The following DAB1 variants were observed in gnomAD, a reference collection of about 807,000 sequenced individuals.
DAB1 encodes disabled homolog 1.
In DAB1, 15 loss-of-function variants were observed where a neutral mutation model predicts 64.6. The observed-to-expected ratio is 0.23, with a 90% CI of 0.16 to 0.36. The LOEUF (loss-of-function observed/expected upper bound fraction) is 0.36, where lower values mean the gene tolerates loss of function less well. Ranked by LOEUF, DAB1 falls within the 10% of genes least tolerant of loss-of-function variation. The pLI, the probability that DAB1 is intolerant of heterozygous loss-of-function variation, is 1.00. For missense variants in DAB1, 596 were observed against 706.7 expected (o/e 0.84, Z 1.78); for synonymous variants, 235 against 251.9 (o/e 0.93, Z 0.64).
chr1:57,152,123 ATCT>A (rs1373445098), intron 2 of DAB1, among the ~76,000 whole-genome samples: 3 of 152,112 alleles, frequency 2.0e-5, no homozygotes, highest in African/African-American at 7.2e-5. Context: ...GTCTTTTCTA[ATCT>A]TTAAAAGGGA....
chr1:57,451,669 G>A (rs1686372596), intron 7 of DAB1, among the ~76,000 whole-genome samples: 1 of 152,172 alleles, frequency 6.6e-6, no homozygotes, highest in Non-Finnish European at 1.5e-5. Context: ...GACGCAGAGA[G>A]TTCAGTCTTA....
chr1:57,366,360 A>G (rs1367875732), intron 1 of DAB1, among the ~76,000 whole-genome samples: 1 of 152,240 alleles, frequency 6.6e-6, no homozygotes, highest in East Asian at 1.9e-4. Context: ...CAAGATGAGT[A>G]AAAGAAAGTA....
At chr1:58,091,750 A>G (rs945560717) in intron 5 of DAB1, among the ~76,000 whole-genome samples, 1 of 152,162 alleles carries the variant, frequency 6.6e-6, no homozygotes, top group African/African-American at 2.4e-5. Context: ...TAAAACCAGT[A>G]TCTCTGTCTG....
At chr1:58,016,901 C>T (rs996167561) in intron 5 of DAB1, among the ~76,000 whole-genome samples, 3 of 152,142 alleles carry the variant, frequency 2.0e-5, no homozygotes, top group African/African-American at 7.2e-5. Flanking sequence ...ATTAAAACCT[C>T]CTACTTGCCA....
chr1:57,744,758 C>A (rs563375826), intron 6 of DAB1, among the ~76,000 whole-genome samples: 2 of 152,268 alleles, frequency 1.3e-5, no homozygotes, highest in African/African-American at 2.4e-5. Context: ...AGGTGTGAGG[C>A]GTGTTCTCCA....
chr1:57,786,926 T>TA (rs1557480537), intron 6 of DAB1, among the ~76,000 whole-genome samples: 1 of 151,950 alleles, frequency 6.6e-6, no homozygotes, highest in Non-Finnish European at 1.5e-5. Flanking sequence ...ACAATAGCAT[T>TA]AAAAAAATGA....
intron 4 of DAB1, among the ~76,000 whole-genome samples, chr1:57,112,482 T>C (rs1655756150): frequency 6.6e-6 from 1 of 152,066 alleles, no homozygotes; most frequent in South Asian, 2.1e-4. Flanking sequence ...CATCTGGATT[T>C]TCAAAGAGTA....
chr1:57,963,756 G>A (rs1035748310), intron 5 of DAB1, among the ~76,000 whole-genome samples: 1 of 91,922 alleles, frequency 1.1e-5, no homozygotes, highest in Non-Finnish European at 2.2e-5. Flanking sequence ...TCAGCCCCAG[G>A]GCAGCTCTCA....
At chr1:58,433,644 T>G (rs1352158117) in intron 3 of DAB1, among the ~76,000 whole-genome samples, 1 of 144,566 alleles carries the variant, frequency 6.9e-6, no homozygotes, top group Non-Finnish European at 1.5e-5. Context: ...TGCTTGTCTG[T>G]GTCTGTGTGG....
intron 7 of DAB1, among the ~76,000 whole-genome samples, chr1:57,431,925 C>T (rs113776180): frequency 7.9e-5 from 12 of 152,238 alleles, no homozygotes; most frequent in African/African-American, 2.6e-4. Context: ...AGTTCAAGAG[C>T]AGCCTGACCA....
At chr1:57,590,446 A>G (rs2101569045) in intron 7 of DAB1, among the ~76,000 whole-genome samples, 1 of 151,990 alleles carries the variant, frequency 6.6e-6, no homozygotes, top group Non-Finnish European at 1.5e-5. Flanking sequence ...CAGCCTCTCA[A>G]GTAGCTGGGA....
intron 3 of DAB1, among the ~76,000 whole-genome samples, chr1:58,413,678 A>G (rs1354773327): frequency 4.6e-5 from 7 of 152,240 alleles, no homozygotes; most frequent in African/African-American, 1.7e-4. Context: ...ATGTAATTAT[A>G]GAGCATAATT....
intron 5 of DAB1, among the ~76,000 whole-genome samples, chr1:58,091,120 G>A (rs1344074504): frequency 2.6e-5 from 4 of 152,094 alleles, no homozygotes; most frequent in Non-Finnish European, 2.9e-5. Context: ...AGCCCCCTCC[G>A]GCTCCCCTGC....
chr1:58,213,113 A>C (rs1658640851), intron 4 of DAB1, among the ~76,000 whole-genome samples: 1 of 152,192 alleles, frequency 6.6e-6, no homozygotes, highest in Non-Finnish European at 1.5e-5. Context: ...AATCTACAGT[A>C]ATCCGAAAAG....
chr1:58,409,406 C>G (rs1468838195), intron 3 of DAB1, among the ~76,000 whole-genome samples: 3 of 152,160 alleles, frequency 2.0e-5, no homozygotes, highest in Non-Finnish European at 2.9e-5. Context: ...TGCCACCCTT[C>G]CCCCAGGACG....
intron 1 of DAB1, among the ~76,000 whole-genome samples, chr1:57,299,281 G>A (rs956530239): frequency 6.6e-6 from 1 of 152,134 alleles, no homozygotes. Context: ...TTACTCATCT[G>A]TAAAATGGAA....
In DAB1 at chr1:56,996,868, C is replaced by T. The variant is rs1645642549; in HGVS notation, c.*1276G>A. 1 of 152,044 alleles carries T rather than the reference C, an allele frequency of 6.6e-6. No homozygotes were observed. The highest frequency in any genetic ancestry group is 2.4e-5 in the African/African-American group (1 of 41,412). The allele number at this position is 152,044 out of a possible 1,614,324, so 9.4% of individuals were successfully genotyped here. ...CATTATTAAAAATCATTTTCATTAA[C>T]ATTTATATTTACAAAAAAAAGACAA... On this transcript the variant is annotated 3_prime_UTR_variant, in exon 15 of 15. Transcript: ENST00000371236.
intron 9 of DAB1, among the ~76,000 whole-genome samples, chr1:57,044,061 G>A (rs1281972338): frequency 6.6e-6 from 1 of 152,050 alleles, no homozygotes; most frequent in Non-Finnish European, 1.5e-5. Context: ...TCTGTTCCTG[G>A]CACACTCTTC....
At chr1:57,479,093 A>T (rs923628222) in intron 7 of DAB1, among the ~76,000 whole-genome samples, 2 of 152,184 alleles carry the variant, frequency 1.3e-5, no homozygotes, top group African/African-American at 4.8e-5. Flanking sequence ...ATATTACAAA[A>T]AAAAAACTTT....
Sources: gnomAD v4.1 joint callset for allele counts (sites outside exome capture counted in the v4.1 genomes callset) on GRCh38, gnomAD v4.1.1 for gene constraint, MANE v1.5 for transcripts, NCBI Gene and HGNC (gene_info 2026-07-23, HGNC 2026-07-21) for gene names.